Variants in SMYD3 observed in about 807,000 individuals in gnomAD.
SMYD3 encodes SET and MYND domain containing 3.
A neutral mutation model predicts 57.7 loss-of-function variants in SMYD3; 36 were observed. The ratio of observed to expected loss-of-function variants is 0.62; its 90% confidence interval spans 0.48 to 0.82. The LOEUF is 0.82. Ranked by LOEUF, SMYD3 falls within the 40% of genes least tolerant of loss-of-function variation. SMYD3 has a pLI of 0.00. For synonymous variants in SMYD3, 211 were observed against 195.0 expected, an observed-to-expected ratio of 1.08 and a Z score of -0.68; for missense variants, 515 against 538.8, an observed-to-expected ratio of 0.96 and a Z score of 0.44.
At chr1:246,357,660 T>G (rs919900920) in intron 1 of SMYD3, among the ~76,000 whole-genome samples, 1 of 152,184 alleles carries the variant, frequency 6.6e-6, no homozygotes, top group African/African-American at 2.4e-5. Flanking sequence ...GGGGTCCTAT[T>G]TTTAGCCTCC....
At chr1:246,269,000 A>G (rs947983228) in intron 5 of SMYD3, among the ~76,000 whole-genome samples, 2 of 152,202 alleles carry the variant, frequency 1.3e-5, no homozygotes, top group Admixed American at 1.3e-4. Context: ...ACAGGTTCCC[A>G]TTACTAAATT....
chr1:245,940,960 G>C (rs1323916865), intron 5 of SMYD3, among the ~76,000 whole-genome samples: 2 of 152,190 alleles, frequency 1.3e-5, no homozygotes, highest in African/African-American at 4.8e-5. Flanking sequence ...AACCAGTTGA[G>C]AGAGGAACAT....
Position 245,980,438 on chromosome 1 carries a change from G to A in SMYD3, c.532-50501C>T, listed in dbSNP as rs191161912. Among the ~76,000 whole-genome samples the A allele has an allele frequency of 4.5e-3, 690 of 152,338 alleles. 3 individuals are homozygous for A. Among genetic ancestry groups the A allele is most frequent in the Non-Finnish European group, 5.3e-3 (362 of 68,030 alleles). ...GGTAAGAGGCCACACAGAGGGCAAC[G>A]AAGTCATTGTGTTGGAAGGACGTCT... On this transcript the variant is annotated intron_variant, in intron 5 of 11. Coordinates refer to ENST00000490107, the MANE Select transcript of SMYD3 (RefSeq NM_001167740.2).
At chr1:246,004,539 C>T (rs1364987535) in intron 5 of SMYD3, among the ~76,000 whole-genome samples, 1 of 152,244 alleles carries the variant, frequency 6.6e-6, no homozygotes, top group Admixed American at 6.5e-5. Flanking sequence ...CTCCCGATTA[C>T]ACTGTAACTA....
At chr1:246,185,538 T>C (rs1229230797) in intron 5 of SMYD3, among the ~76,000 whole-genome samples, 5 of 148,042 alleles carry the variant, frequency 3.4e-5, no homozygotes, top group Non-Finnish European at 5.9e-5. Context: ...CTCGGCTCAC[T>C]GCAAGCTCCG....
At chr1:246,047,872 T>A in intron 5 of SMYD3, among the ~76,000 whole-genome samples, 1 of 151,892 alleles carries the variant, frequency 6.6e-6, no homozygotes, top group Non-Finnish European at 1.5e-5. Context: ...AAAATAATTA[T>A]ATAGCTTTGA....
chr1:246,489,903 T>C (rs1439790281), intron 1 of SMYD3, among the ~76,000 whole-genome samples: 1 of 151,824 alleles, frequency 6.6e-6, no homozygotes, highest in Non-Finnish European at 1.5e-5. Context: ...TCACAGCTCA[T>C]AGCAGCCTCA....
At chr1:246,405,414 A>AC (rs1278111741) in intron 1 of SMYD3, among the ~76,000 whole-genome samples, 2 of 152,144 alleles carry the variant, frequency 1.3e-5, no homozygotes, top group African/African-American at 4.8e-5. Flanking sequence ...TGGTTAATAG[A>AC]CACTAATCCA....
At chr1:246,145,561 G>T (rs1016825805) in intron 5 of SMYD3, among the ~76,000 whole-genome samples, 4 of 152,146 alleles carry the variant, frequency 2.6e-5, no homozygotes, top group African/African-American at 9.7e-5. Flanking sequence ...ACCAAATGTT[G>T]CTGCCTTCAA....
At chr1:246,467,479 G>A (rs1024576240) in intron 1 of SMYD3, among the ~76,000 whole-genome samples, 15 of 151,690 alleles carry the variant, frequency 9.9e-5, no homozygotes, top group African/African-American at 3.4e-4. Context: ...AAAGAGGGAA[G>A]ACTCGAATAA....
At position 246,288,062 on chromosome 1, in the gene SMYD3, C is replaced by CTTTTTTTTTTTT. The variant is rs67603439; in HGVS notation, c.531+39127_531+39138dup. Among the ~76,000 whole-genome samples the CTTTTTTTTTTTT allele has an allele frequency of 8.7e-4, 56 of 64,210 alleles. 2 individuals are homozygous for CTTTTTTTTTTTT. The highest frequency in any genetic ancestry group is 1.2e-3 in the Non-Finnish European group (42 of 35,968). 42.1% of individuals were successfully genotyped at this position (64,210 alleles called of 152,430 possible). A position where few individuals can be genotyped will look rare whatever the true frequency, so the allele number is the denominator to read the frequency against. ...GTTTTTGAAATGCCATCAGGTAATT[C>CTTTTTTTTTTTT]TTTTTTTTTTTTTTTTTTTTTTTTT... On this transcript the variant is annotated intron_variant, in intron 5 of 11. Transcript: ENST00000490107.
rs184903620 is a variant in SMYD3 at position 246,027,331 on chromosome 1, C to T, written c.532-97394G>A. Among the ~76,000 whole-genome samples, 152 of 152,046 alleles carry T rather than the reference C, an allele frequency of 1.0e-3. 3 individuals carry two copies. The South Asian group carries it at 0.011, about 11-fold the overall frequency. ...AGCAGACTTTCAGTGTAGATGAAAC[C>T]GCCTTATATTGGGATGAGATACCAT... On this transcript the variant is annotated intron_variant, in intron 5 of 11. Transcript: ENST00000490107.
At chr1:246,454,338 AG>A (rs1183436283) in intron 1 of SMYD3, among the ~76,000 whole-genome samples, 5 of 152,198 alleles carry the variant, frequency 3.3e-5, no homozygotes, top group African/African-American at 1.2e-4. Context: ...ATAAAATGTG[AG>A]GTATGATTCC....
intron 8 of SMYD3, among the ~76,000 whole-genome samples, chr1:245,867,828 A>G (rs1399763169): frequency 6.6e-6 from 1 of 152,246 alleles, no homozygotes; most frequent in Non-Finnish European, 1.5e-5. Context: ...AAGGAGGTGA[A>G]GGAGTAGGAG....
chr1:246,239,859 T>TA (rs1449343279), intron 5 of SMYD3, among the ~76,000 whole-genome samples: 1 of 152,204 alleles, frequency 6.6e-6, no homozygotes, highest in African/African-American at 2.4e-5. Context: ...GAGCACTTTT[T>TA]ATGTGTCTGT....
chr1:246,472,376 C>T (rs770728322), intron 1 of SMYD3, among the ~76,000 whole-genome samples: 38 of 152,142 alleles, frequency 2.5e-4, no homozygotes, highest in Non-Finnish European at 3.8e-4. Context: ...CATTGTTTTT[C>T]GCTATACCTG....
chr1:246,063,981 ACT>A (rs74428296), intron 5 of SMYD3, among the ~76,000 whole-genome samples: 25,762 of 152,000 alleles, frequency 0.17, 2,679 homozygotes, highest in East Asian at 0.39. Context: ...TGCTAGGTTA[ACT>A]CTTTTCTGCA....
chr1:246,121,879 C>T (rs1322502644), intron 5 of SMYD3, among the ~76,000 whole-genome samples: 1 of 152,106 alleles, frequency 6.6e-6, no homozygotes, highest in Non-Finnish European at 1.5e-5. Flanking sequence ...CTACAGAGTT[C>T]TAATCAAATA....
chr1:246,094,666 T>C (rs980925243), intron 5 of SMYD3, among the ~76,000 whole-genome samples: 1 of 152,202 alleles, frequency 6.6e-6, no homozygotes. Context: ...CCAGAGCCAC[T>C]GCTTTTTCTA....
Sources: allele counts gnomAD v4.1 joint callset (sites outside exome capture counted in the v4.1 genomes callset), GRCh38; gene constraint gnomAD v4.1.1; transcripts MANE v1.5; gene names NCBI Gene and HGNC (gene_info 2026-07-23, HGNC 2026-07-21).